HTR2C: variants seen among roughly 807,000 people sequenced by gnomAD.
The protein encoded by HTR2C is 5-hydroxytryptamine receptor 2C.
A neutral mutation model predicts 21.0 loss-of-function variants in HTR2C; 5 were observed. The observed-to-expected ratio is 0.24, with a 90% CI of 0.12 to 0.50. The LOEUF (loss-of-function observed/expected upper bound fraction) is 0.50. HTR2C is among the 20% of genes least tolerant of loss of function. The probability of loss-of-function intolerance (pLI) is 0.98; values close to 1 mark genes in which losing one functional copy is unlikely to be tolerated. For synonymous variants in HTR2C, 150 were observed against 145.3 expected, an observed-to-expected ratio of 1.03 and a Z score of -0.23; for missense variants, 271 against 371.2, an observed-to-expected ratio of 0.73 and a Z score of 2.22.
intron 4 of HTR2C, among the ~76,000 whole-genome samples, chrX:114,807,093 C>A (rs185295773): frequency 0.054 from 1,497 of 27,783 alleles, 605 homozygotes; most frequent in Non-Finnish European, 0.1. Context: ...ATATATATAC[C>A]CCATATATAC....
chrX:114,591,770 G>A (rs1927642892), intron 1 of HTR2C, among the ~76,000 whole-genome samples: 1 of 112,207 alleles, frequency 8.9e-6, no homozygotes, highest in Non-Finnish European at 1.9e-5. Flanking sequence ...AGGGCTTAAT[G>A]TACATTTAAC....
intron 4 of HTR2C, among the ~76,000 whole-genome samples, chrX:114,807,433 C>T (rs919845702): frequency 1.3e-4 from 11 of 81,541 alleles, no homozygotes; most frequent in Admixed American, 8.0e-4. Context: ...CATATATATA[C>T]GCCATATATA....
chrX:114,744,509 A>T (rs1314602141), intron 4 of HTR2C, among the ~76,000 whole-genome samples: 1 of 106,944 alleles, frequency 9.4e-6, no homozygotes, highest in Admixed American at 1.0e-4. Context: ...CTGGAGTGCA[A>T]TGGCTTGATC....
intron 5 of HTR2C, among the ~76,000 whole-genome samples, chrX:114,863,257 A>G (rs1250535382): frequency 9.0e-6 from 1 of 111,168 alleles, no homozygotes; most frequent in African/African-American, 3.3e-5. Flanking sequence ...TAGTTCTTTC[A>G]GGAACCTCCA....
intron 4 of HTR2C, among the ~76,000 whole-genome samples, chrX:114,816,946 T>TAA (rs11368538): frequency 3.8e-5 from 4 of 106,058 alleles, no homozygotes; most frequent in Non-Finnish European, 5.8e-5. Flanking sequence ...CATCTAAGAT[T>TAA]AAAAAAAAAT....
At chrX:114,743,341 A>T (rs1556425604) in intron 4 of HTR2C, among the ~76,000 whole-genome samples, 1 of 111,556 alleles carries the variant, frequency 9.0e-6, no homozygotes, top group East Asian at 2.8e-4. Context: ...AACTAGTTCA[A>T]CCATTGTAAA....
At position 114,737,993 on chromosome X, in the gene HTR2C, C is replaced by T. The variant is rs191383824; in HGVS notation, c.349+6386C>T. Among the ~76,000 whole-genome samples, 211 of 112,322 alleles carry T rather than the reference C, an allele frequency of 1.9e-3. 1 individual carries two copies. Among genetic ancestry groups the T allele is most frequent in the Non-Finnish European group, 2.4e-3 (129 of 53,251 alleles). On this transcript the variant is annotated intron_variant, in intron 4 of 5. Transcript: ENST00000276198. ...AAGAAAGGATGCTATAGACCAATGT[C>T]ACTTATGACTATTAATGCAAAAATA...
intron 2 of HTR2C, among the ~76,000 whole-genome samples, chrX:114,649,087 G>A (rs1326624094): frequency 9.0e-6 from 1 of 111,634 alleles, no homozygotes; most frequent in Non-Finnish European, 1.9e-5. Context: ...TTAGATTCAG[G>A]CTTTATTTTC....
chrX:114,772,238 T>G (rs997706835), intron 4 of HTR2C, among the ~76,000 whole-genome samples: 1 of 112,326 alleles, frequency 8.9e-6, no homozygotes, highest in Non-Finnish European at 1.9e-5. Flanking sequence ...TCATAAGTAC[T>G]TCTTTATACA....
intron 4 of HTR2C, among the ~76,000 whole-genome samples, chrX:114,749,453 C>CAAAA (rs782652879): frequency 3.8e-4 from 16 of 41,900 alleles, no homozygotes; most frequent in East Asian, 9.1e-4. Context: ...GTCCATGTCT[C>CAAAA]AAAAAAAAAA....
At chrX:114,782,250 CAG>C (rs1355133133) in intron 4 of HTR2C, among the ~76,000 whole-genome samples, 2 of 108,525 alleles carry the variant, frequency 1.8e-5, no homozygotes, top group Non-Finnish European at 3.8e-5. Flanking sequence ...CAGATGAAAA[CAG>C]AGGAACTTTC....
Position 114,701,278 on chromosome X carries a change from T to G in HTR2C, c.-79-25580T>G, listed in dbSNP as rs183037825. Among the ~76,000 whole-genome samples the G allele has an allele frequency of 4.6e-3, 515 of 112,113 alleles. 3 individuals are homozygous for G. Among genetic ancestry groups the G allele is most frequent in the Non-Finnish European group, 6.1e-3 (325 of 53,157 alleles). On this transcript the variant is annotated intron_variant, in intron 2 of 5. Coordinates refer to ENST00000276198, the MANE Select transcript of HTR2C (RefSeq NM_000868.4). ...CCTCCTCAAGTGGGTCCCTGACACCTGACCCCCGAACAGCCTAACTGGGAG... is the reference window on the plus strand; with the variant it reads ...CCTCCTCAAGTGGGTCCCTGACACCGGACCCCCGAACAGCCTAACTGGGAG...
chrX:114,809,393 T>TG (rs1337588180), intron 4 of HTR2C, among the ~76,000 whole-genome samples: 9 of 104,379 alleles, frequency 8.6e-5, no homozygotes, highest in Non-Finnish European at 1.4e-4. Context: ...TTTTTTGTTG[T>TG]TTTTTTTTTG....
At chrX:114,876,197 T>G (rs1463142063) in intron 5 of HTR2C, among the ~76,000 whole-genome samples, 2 of 110,090 alleles carry the variant, frequency 1.8e-5, no homozygotes, top group Non-Finnish European at 3.8e-5. Flanking sequence ...CTTCACTTAT[T>G]TTTTCAGATA....
intron 4 of HTR2C, among the ~76,000 whole-genome samples, chrX:114,805,835 C>CATGTATATACAACAT (rs202105071): frequency 6.4e-5 from 2 of 31,225 alleles, no homozygotes; most frequent in African/African-American, 1.4e-4. Flanking sequence ...ATATATATAC[C>CATGTATATACAACAT]ATATATACCA....
chrX:114,752,428 G>A (rs1229518010), intron 4 of HTR2C, among the ~76,000 whole-genome samples: 1 of 110,827 alleles, frequency 9.0e-6, no homozygotes, highest in Non-Finnish European at 1.9e-5. Flanking sequence ...CCTAGTAAAT[G>A]TTCTCCAGGT....
At chrX:114,659,323 T>C (rs782717455) in intron 2 of HTR2C, among the ~76,000 whole-genome samples, 26 of 111,207 alleles carry the variant, frequency 2.3e-4, no homozygotes, top group Non-Finnish European at 4.3e-4. Context: ...TGTAGCATCA[T>C]AGAAGAATAA....
At chrX:114,691,507 A>G (rs782113282) in intron 2 of HTR2C, among the ~76,000 whole-genome samples, 5 of 111,980 alleles carry the variant, frequency 4.5e-5, no homozygotes, top group South Asian at 7.3e-4. Context: ...AAGTTTTTAA[A>G]CAATTATTTG....
chrX:114,805,406 CT>C (rs66522335), intron 4 of HTR2C, among the ~76,000 whole-genome samples: 1,030 of 84,206 alleles, frequency 0.012, 17 homozygotes, highest in African/African-American at 0.039. Flanking sequence ...GTCTCCACCC[CT>C]TTTTTTTTTT....
Sources: gnomAD v4.1 joint callset for allele counts (sites outside exome capture counted in the v4.1 genomes callset) on GRCh38, gnomAD v4.1.1 for gene constraint, MANE v1.5 for transcripts, NCBI Gene and HGNC (gene_info 2026-07-23, HGNC 2026-07-21) for gene names.